SIPA1L1: variants seen among roughly 807,000 people sequenced by gnomAD.
SIPA1L1 encodes the protein signal-induced proliferation-associated 1-like protein 1.
Under a neutral mutation model 162.7 loss-of-function variants are expected in SIPA1L1, and 26 were observed. The ratio of observed to expected loss-of-function variants is 0.16; its 90% CI spans 0.12 to 0.22. The LOEUF (loss-of-function observed/expected upper bound fraction) is 0.22, where lower values mean the gene tolerates loss of function less well. SIPA1L1 is among the 10% of genes least tolerant of loss of function. SIPA1L1 has a pLI of 1.00. For synonymous variants in SIPA1L1, 829 were observed against 837.4 expected (o/e 0.99, Z 0.17); for missense variants, 1,874 against 2,241.0 (o/e 0.84, Z 3.31).
intron 7 of SIPA1L1, among the ~76,000 whole-genome samples, chr14:71,629,350 T>C (rs540520641): frequency 1.3e-5 from 2 of 152,200 alleles, no homozygotes; most frequent in Non-Finnish European, 2.9e-5. Context: ...GTTCCTGTTT[T>C]ATAGCTAAGA....
At chr14:71,332,661 A>G (rs1170421216) in intron 2 of SIPA1L1, among the ~76,000 whole-genome samples, 3 of 152,164 alleles carry the variant, frequency 2.0e-5, no homozygotes, top group Admixed American at 2.0e-4. Context: ...AAGAATCTGG[A>G]AAGCTAGTTA....
chr14:71,354,742 C>T (rs964154670), intron 2 of SIPA1L1, among the ~76,000 whole-genome samples: 2 of 152,150 alleles, frequency 1.3e-5, no homozygotes, highest in African/African-American at 2.4e-5. Context: ...TAGCCAAGCT[C>T]TAAGTTTTCC....
chr14:71,624,885 A>G (rs993444902), intron 7 of SIPA1L1, among the ~76,000 whole-genome samples: 2 of 152,206 alleles, frequency 1.3e-5, no homozygotes, highest in Non-Finnish European at 2.9e-5. Flanking sequence ...TTTTAAATAT[A>G]AAAATGTAAA....
At chr14:71,581,556 G>A (rs895930316) in intron 4 of SIPA1L1, among the ~76,000 whole-genome samples, 2 of 152,080 alleles carry the variant, frequency 1.3e-5, no homozygotes, top group Admixed American at 1.3e-4. Context: ...GATATATTTG[G>A]TAATAAGTTA....
At chr14:71,719,637 G>C (rs1483469643) in intron 17 of SIPA1L1, among the ~76,000 whole-genome samples, 1 of 152,122 alleles carries the variant, frequency 6.6e-6, no homozygotes, top group Admixed American at 6.5e-5. Context: ...GGGACTACAG[G>C]TGTGCACCAC....
In SIPA1L1 at chr14:71,393,206, A is replaced by G. The variant is rs373100651; in HGVS notation, c.-465+72025A>G. Reference sequence around the variant, plus strand: ...TTGTATTTTGGATTACCTTCTTTTAATAGTACTCCTTAAAAATTGTCAAGT... The same window carrying G: ...TTGTATTTTGGATTACCTTCTTTTAGTAGTACTCCTTAAAAATTGTCAAGT... On this transcript the variant is annotated intron_variant, in intron 2 of 23. Transcript: ENST00000381232. Among the ~76,000 whole-genome samples, 73 of 152,324 alleles carry G rather than the reference A, an allele frequency of 4.8e-4. 1 individual carries two copies. The highest frequency in any genetic ancestry group is 1.7e-3 in the African/African-American group (72 of 41,552).
chr14:71,410,759 T>C (rs2042346844), intron 2 of SIPA1L1, among the ~76,000 whole-genome samples: 1 of 152,148 alleles, frequency 6.6e-6, no homozygotes, highest in Non-Finnish European at 1.5e-5. Context: ...TGAGTCAGGG[T>C]GGGGGGTAAG....
chr14:71,556,723 T>C (rs2056384843), intron 4 of SIPA1L1, among the ~76,000 whole-genome samples: 1 of 152,248 alleles, frequency 6.6e-6, no homozygotes, highest in Non-Finnish European at 1.5e-5. Context: ...CATGTTCACC[T>C]CTCCAGAAGC....
In SIPA1L1 at chr14:71,709,519, A is replaced by T. The variant is rs767942975; in HGVS notation, c.4063A>T (p.Thr1355Ser). ...SSEVISMADR[T>S]LETESHGLDR... ...TGAAGTAATCTCCATGGCAGATCGGACTTTGGAGACAGAGAGCCACGGCCT... is the reference window on the plus strand; with the variant it reads ...TGAAGTAATCTCCATGGCAGATCGGTCTTTGGAGACAGAGAGCCACGGCCT... Residue 1355 changes from threonine (T) to serine (S), a missense_variant, in exon 17 of 24, where the codon ACT becomes TCT. By Grantham distance (58) the Thr-to-Ser change is moderately conservative. Around this residue, in one of 5 missense-constraint regions of SIPA1L1, gnomAD observed 936 missense variants for 1,051.9 expected, o/e 0.89. Coordinates refer to ENST00000381232, the MANE Select transcript of SIPA1L1 (RefSeq NM_001386936.1). 9 of 1,614,044 alleles carry T rather than the reference A, an allele frequency of 5.6e-6. No individual in the cohort carries two copies. In the East Asian group the frequency reaches 2.0e-4, roughly 36 times the overall value.
At chr14:71,645,830 G>C (rs1173975443) in intron 7 of SIPA1L1, among the ~76,000 whole-genome samples, 1 of 152,218 alleles carries the variant, frequency 6.6e-6, no homozygotes, top group Non-Finnish European at 1.5e-5. Context: ...CTCCCCACAA[G>C]AAGGTTCTCA....
At chr14:71,632,201 G>A (rs1179017578) in intron 7 of SIPA1L1, among the ~76,000 whole-genome samples, 1 of 152,174 alleles carries the variant, frequency 6.6e-6, no homozygotes, top group Non-Finnish European at 1.5e-5. Flanking sequence ...CTGAAAGGTG[G>A]AGAGAAGCAG....
chr14:71,563,836 C>T (rs1314786292), intron 4 of SIPA1L1, among the ~76,000 whole-genome samples: 1 of 152,206 alleles, frequency 6.6e-6, no homozygotes, highest in Non-Finnish European at 1.5e-5. Context: ...TCTTACTGCA[C>T]TGTATGTATA....
intron 2 of SIPA1L1, among the ~76,000 whole-genome samples, chr14:71,510,047 C>T (rs530089801): frequency 6.6e-6 from 1 of 152,218 alleles, no homozygotes; most frequent in Admixed American, 6.5e-5. Context: ...TGCAGAAGCT[C>T]AGTTCAAAAC....
chr14:71,522,352 G>A (rs1262802239), intron 3 of SIPA1L1, among the ~76,000 whole-genome samples: 1 of 152,042 alleles, frequency 6.6e-6, no homozygotes, highest in Non-Finnish European at 1.5e-5. Context: ...TTCAAGGATT[G>A]GTGTGTCATT....
intron 5 of SIPA1L1, among the ~76,000 whole-genome samples, chr14:71,610,285 G>A (rs1278642893): frequency 4.6e-5 from 7 of 152,098 alleles, no homozygotes. Context: ...TCTGTTCCTA[G>A]CCACAGCCTT....
intron 2 of SIPA1L1, among the ~76,000 whole-genome samples, chr14:71,442,193 A>G (rs1200438687): frequency 6.6e-6 from 1 of 151,090 alleles, no homozygotes; most frequent in Non-Finnish European, 1.5e-5. Flanking sequence ...AAAAAAAAAA[A>G]AAAAAAGAAG....
intron 5 of SIPA1L1, among the ~76,000 whole-genome samples, chr14:71,607,934 C>T (rs1018143349): frequency 6.6e-6 from 1 of 152,190 alleles, no homozygotes; most frequent in Admixed American, 6.5e-5. Context: ...GTTGATGACA[C>T]ACATAATCAA....
At chr14:71,664,659 C>T (rs1176267577) in intron 10 of SIPA1L1, among the ~76,000 whole-genome samples, 1 of 152,152 alleles carries the variant, frequency 6.6e-6, no homozygotes, top group Non-Finnish European at 1.5e-5. Context: ...CATATTCATT[C>T]TTTCTATTTT....
At chr14:71,437,641 C>T (rs1441730537) in intron 2 of SIPA1L1, among the ~76,000 whole-genome samples, 6 of 152,142 alleles carry the variant, frequency 3.9e-5, no homozygotes, top group East Asian at 1.9e-4. Flanking sequence ...GGATTCCAGG[C>T]GTAAGACACC....
Sources: gnomAD v4.1 joint callset for allele counts (sites outside exome capture counted in the v4.1 genomes callset) on GRCh38, gnomAD v4.1.1 for gene constraint, gnomAD v4.1.1 regional missense constraint, MANE v1.5 for transcripts, NCBI Gene and HGNC (gene_info 2026-07-23, HGNC 2026-07-21) for gene names.